Variants in ZNF678 observed in about 807,000 individuals in gnomAD.
The protein encoded by ZNF678 is zinc finger protein 678, also known as hypothetical protein MGC42493.
Under a neutral mutation model 3.0 loss-of-function variants are expected in ZNF678, and 5 were observed. The ratio of observed to expected loss-of-function variants is 1.69; its 90% CI spans 0.88 to 3.56. The LOEUF (loss-of-function observed/expected upper bound fraction) is 3.56, where lower values mean the gene tolerates loss of function less well. Ranked by LOEUF, ZNF678 falls within the 30% of genes most tolerant of loss-of-function variation. ZNF678 has a pLI of 0.00. For synonymous variants in ZNF678, 218 were observed against 199.6 expected (o/e 1.09, Z -0.78); for missense variants, 593 against 605.0 (o/e 0.98, Z 0.21).
intron 1 of ZNF678, among the ~76,000 whole-genome samples, chr1:227,597,695 A>G (rs1455272964): frequency 6.6e-6 from 1 of 152,218 alleles, no homozygotes; most frequent in South Asian, 2.1e-4. Flanking sequence ...AGCATATGAC[A>G]GAACATATTG....
Position 227,655,648 on chromosome 1 carries a change from T to C in ZNF678, c.1398T>C (p.Cys466=). ...TEEKPYKCEE[C]GKAFNQFSSL... ...AGAAACCCTACAAATGTGAAGAATG[T>C]GGCAAAGCCTTTAACCAGTTCTCAA... The change falls in exon 4 of 4, where the codon TGT becomes TGC. Residue 466 remains cysteine (C), a synonymous_variant. Coordinates refer to ENST00000343776, the MANE Select transcript of ZNF678 (RefSeq NM_001367909.1). The C allele has an allele frequency of 6.2e-7, 1 of 1,612,758 alleles. No individual in the cohort carries two copies. The highest frequency in any genetic ancestry group is 8.5e-7 in the Non-Finnish European group (1 of 1,179,266).
At position 227,646,539 on chromosome 1, in the gene ZNF678, C is replaced by A. The variant is rs765916603; in HGVS notation, c.-163-5C>A. On this transcript the variant is annotated splice_region_variant and splice_polypyrimidine_tract_variant and intron_variant, in intron 1 of 3. Coordinates refer to ENST00000343776, the MANE Select transcript of ZNF678 (RefSeq NM_001367909.1). The stretch of plus-strand genomic sequence containing the variant: ...TAAATACGTGTGTATTTTTCCCCCC[C>A]CCAGGGACTACTGGCATTCAGTGAT... 200 of 1,370,440 alleles carry A rather than the reference C, an allele frequency of 1.5e-4. No homozygotes were observed. Among genetic ancestry groups the A allele is most frequent in the South Asian group, 9.0e-4 (80 of 88,902 alleles). The allele number at this position is 1,370,440 out of a possible 1,614,324, so 84.9% of individuals were successfully genotyped here. A position where few individuals can be genotyped will look rare whatever the true frequency, so the allele number is the denominator to read the frequency against.
Position 227,655,419 on chromosome 1 carries a change from C to T in ZNF678, c.1169C>T (p.Ser390Leu), listed in dbSNP as rs746144730. The T allele has an allele frequency of 6.2e-7, 1 of 1,612,484 alleles. No homozygotes were observed. Among genetic ancestry groups the T allele is most frequent in the Admixed American group, 1.7e-5 (1 of 59,790 alleles). ...KECGKAFNKFSSLTQHRRIHT... is the reference protein window; with the variant it reads ...KECGKAFNKFLSLTQHRRIHT... ...TGTGGCAAAGCGTTTAACAAGTTCT[C>T]AAGCCTTACTCAACATAGGAGAATT... The change falls in exon 4 of 4, where the codon TCA becomes TTA. Residue 390 changes from serine to leucine, a missense_variant. Physicochemically the swap from Ser to Leu is moderately radical, Grantham distance 145. Coordinates refer to ENST00000343776, the MANE Select transcript of ZNF678 (RefSeq NM_001367909.1).
intron 1 of ZNF678, among the ~76,000 whole-genome samples, chr1:227,640,933 A>G (rs991134162): frequency 2.0e-5 from 3 of 152,202 alleles, no homozygotes; most frequent in Non-Finnish European, 4.4e-5. Flanking sequence ...AATGGCTTGG[A>G]GGCGTCCTCC....
chr1:227,586,606 A>G (rs1478132993), intron 1 of ZNF678, among the ~76,000 whole-genome samples: 1 of 152,240 alleles, frequency 6.6e-6, no homozygotes, highest in Non-Finnish European at 1.5e-5. Flanking sequence ...AGTAAGCACA[A>G]AAGAAAAAGG....
At chr1:227,672,984 C>T (rs1659625337) in intron 5 of ZNF678, among the ~76,000 whole-genome samples, 1 of 152,110 alleles carries the variant, frequency 6.6e-6, no homozygotes, top group East Asian at 1.9e-4. Context: ...CATTTTTAAG[C>T]CCAGTAGGGT....
intron 1 of ZNF678, among the ~76,000 whole-genome samples, chr1:227,574,831 T>A (rs1656947551): frequency 6.6e-6 from 1 of 152,182 alleles, no homozygotes; most frequent in African/African-American, 2.4e-5. Context: ...TAAGTTAATT[T>A]TTGTGCATGA....
At chr1:227,598,231 AC>A (rs2102746621) in intron 1 of ZNF678, among the ~76,000 whole-genome samples, 1 of 152,364 alleles carries the variant, frequency 6.6e-6, no homozygotes, top group South Asian at 2.1e-4. Flanking sequence ...AGAGAAAAAA[AC>A]AGATGTTCAA....
rs565836826 is a variant in ZNF678, at chr1:227,589,178, C to A, written c.-164+25454C>A. 3.0e-4 allele frequency among the ~76,000 whole-genome samples: 46 copies of A among 151,816 alleles called. 1 individual carries two copies. Among genetic ancestry groups the A allele is most frequent in the African/African-American group, 9.7e-4 (40 of 41,298 alleles). On this transcript the variant is annotated intron_variant, in intron 1 of 3. Transcript: ENST00000343776. ...CATTTGCCAATTTTTGCTTTTGTTG[C>A]AATTGCTTTTGGCATTTTCATCATG... is the stretch of plus-strand genomic sequence containing the variant.
At chr1:227,625,922 G>A (rs1217777775) in intron 1 of ZNF678, among the ~76,000 whole-genome samples, 2 of 152,192 alleles carry the variant, frequency 1.3e-5, no homozygotes, top group South Asian at 2.1e-4. Context: ...GTATTTGCAT[G>A]CATGCAAAGA....
At chr1:227,563,960 C>T (rs1469732514) in intron 1 of ZNF678, among the ~76,000 whole-genome samples, 2 of 152,246 alleles carry the variant, frequency 1.3e-5, no homozygotes, top group Non-Finnish European at 2.9e-5. Flanking sequence ...GTGCTTTGTC[C>T]AGAGGGGAGG....
intron 1 of ZNF678, among the ~76,000 whole-genome samples, chr1:227,573,339 T>C (rs1295124686): frequency 1.3e-5 from 2 of 152,246 alleles, no homozygotes; most frequent in Non-Finnish European, 2.9e-5. Context: ...ATAATGAAAG[T>C]AGCACTATTA....
chr1:227,650,692 CTTGT>C (rs753602316), intron 2 of ZNF678, among the ~76,000 whole-genome samples: 42 of 151,960 alleles, frequency 2.8e-4, no homozygotes, highest in South Asian at 1.2e-3. Context: ...AGATTTTTCA[CTTGT>C]TTAAGTTTTT....
At chr1:227,575,977 C>T (rs537365593) in intron 1 of ZNF678, among the ~76,000 whole-genome samples, 1 of 152,114 alleles carries the variant, frequency 6.6e-6, no homozygotes, top group South Asian at 2.1e-4. Flanking sequence ...TTATTGAAGG[C>T]CTTTTCTGCA....
chr1:227,593,294 C>G (rs1288848060), intron 1 of ZNF678, among the ~76,000 whole-genome samples: 3 of 152,210 alleles, frequency 2.0e-5, no homozygotes, highest in Non-Finnish European at 4.4e-5. Flanking sequence ...CCATTTTAAC[C>G]AGGCATTTGC....
chr1:227,565,339 C>G (rs546261239), intron 1 of ZNF678, among the ~76,000 whole-genome samples: 2 of 152,212 alleles, frequency 1.3e-5, no homozygotes, highest in South Asian at 4.2e-4. Flanking sequence ...GTTGGGATTA[C>G]AGGGGCGAGC....
intron 3 of ZNF678, among the ~76,000 whole-genome samples, chr1:227,653,950 ATTGTTTTTTTGTTT>A (rs770036297): frequency 3.6e-4 from 55 of 152,112 alleles, no homozygotes; most frequent in South Asian, 1.2e-3. Flanking sequence ...TGTGCAATGT[ATTGTTTTTTTGTTT>A]TTGTTTTTTT....
At chr1:227,618,260 A>C (rs1339682304) in intron 1 of ZNF678, among the ~76,000 whole-genome samples, 1 of 152,206 alleles carries the variant, frequency 6.6e-6, no homozygotes, top group African/African-American at 2.4e-5. Context: ...AGTCCAGTGC[A>C]TAGCTGTGGT....
intron 1 of ZNF678, among the ~76,000 whole-genome samples, chr1:227,632,782 C>G (rs895878193): frequency 1.3e-5 from 2 of 152,100 alleles, no homozygotes; most frequent in African/African-American, 4.8e-5. Context: ...TTGGAGAATC[C>G]CTGTATGGGC....
Sources: gnomAD v4.1 joint callset for allele counts (sites outside exome capture counted in the v4.1 genomes callset) on GRCh38, gnomAD v4.1.1 for gene constraint, MANE v1.5 for transcripts, NCBI Gene and HGNC (gene_info 2026-07-23, HGNC 2026-07-21) for gene names.